PDGFD: variants seen among roughly 807,000 people sequenced by gnomAD.
PDGFD encodes the protein platelet-derived growth factor D.
PDGFD carries 30 observed loss-of-function variants against 44.7 expected under a neutral mutation model. The ratio of observed to expected loss-of-function variants is 0.67; its 90% CI spans 0.50 to 0.91. The LOEUF is 0.91. Ranked by LOEUF, PDGFD falls within the 40% of genes least tolerant of loss-of-function variation. PDGFD has a pLI of 0.00. For missense variants in PDGFD, 445 were observed against 457.8 expected (o/e 0.97, Z 0.25); for synonymous variants, 173 against 168.4 (o/e 1.03, Z -0.21).
intron 6 of PDGFD, among the ~76,000 whole-genome samples, chr11:103,926,252 T>C (rs1234421706): frequency 1.3e-5 from 2 of 152,196 alleles, no homozygotes; most frequent in African/African-American, 2.4e-5. Context: ...AATGAGCTAA[T>C]GATTACTTAC....
At chr11:104,048,552 C>G (rs260816) in intron 1 of PDGFD, among the ~76,000 whole-genome samples, 91,489 of 151,930 alleles carry the variant, frequency 0.6, 27,865 homozygotes, top group Admixed American at 0.7. Flanking sequence ...ACCCTATGGA[C>G]AGCTAGAGCA....
At chr11:104,062,035 T>C (rs568245414) in intron 1 of PDGFD, among the ~76,000 whole-genome samples, 1 of 152,360 alleles carries the variant, frequency 6.6e-6, no homozygotes, top group South Asian at 2.1e-4. Context: ...TTTTCTCACG[T>C]TTCGTGGAAT....
intron 5 of PDGFD, among the ~76,000 whole-genome samples, chr11:103,942,474 T>C (rs913394065): frequency 2.0e-5 from 3 of 152,130 alleles, no homozygotes; most frequent in Admixed American, 6.6e-5. Flanking sequence ...TTTTAACTCA[T>C]GATGTTCTCT....
chr11:104,030,114 T>C (rs1359075614), intron 1 of PDGFD, among the ~76,000 whole-genome samples: 3 of 152,234 alleles, frequency 2.0e-5, no homozygotes, highest in South Asian at 4.1e-4. Flanking sequence ...GGTGCATTTG[T>C]AACATACATA....
intron 1 of PDGFD, among the ~76,000 whole-genome samples, chr11:104,159,894 T>C (rs1862364911): frequency 6.6e-6 from 1 of 152,204 alleles, no homozygotes; most frequent in African/African-American, 2.4e-5. Flanking sequence ...AAAGTTTCTA[T>C]AAAATGATAT....
chr11:104,100,998 C>T (rs986163387), intron 1 of PDGFD, among the ~76,000 whole-genome samples: 1 of 152,102 alleles, frequency 6.6e-6, no homozygotes, highest in Non-Finnish European at 1.5e-5. Flanking sequence ...CAATATCATA[C>T]TGAATGGGCA....
At chr11:104,058,634 G>A (rs563590531) in intron 1 of PDGFD, among the ~76,000 whole-genome samples, 16 of 152,228 alleles carry the variant, frequency 1.1e-4, no homozygotes, top group African/African-American at 3.9e-4. Flanking sequence ...ACACTCATAG[G>A]TATTTATGCC....
At chr11:104,158,707 C>T (rs928039482) in intron 1 of PDGFD, among the ~76,000 whole-genome samples, 4 of 151,950 alleles carry the variant, frequency 2.6e-5, no homozygotes, top group Admixed American at 2.6e-4. Context: ...GTGGCAGGCG[C>T]CTGTGGTCCC....
chr11:103,942,978 C>T (rs772576108), intron 5 of PDGFD, among the ~76,000 whole-genome samples: 37 of 152,110 alleles, frequency 2.4e-4, no homozygotes, highest in Non-Finnish European at 4.4e-4. Flanking sequence ...CATCCAGCTC[C>T]AAACTATGAC....
intron 1 of PDGFD, among the ~76,000 whole-genome samples, chr11:104,028,909 C>T (rs961748081): frequency 6.6e-6 from 1 of 152,084 alleles, no homozygotes; most frequent in Non-Finnish European, 1.5e-5. Flanking sequence ...TTCTCTTCAG[C>T]ATCATAAATT....
intron 6 of PDGFD, among the ~76,000 whole-genome samples, chr11:103,920,812 A>G (rs1266416859): frequency 2.0e-5 from 3 of 152,234 alleles, no homozygotes; most frequent in South Asian, 2.1e-4. Context: ...TAAGCAGTCT[A>G]TAAACATTTA....
chr11:104,035,047 TG>T (rs1390051969), intron 1 of PDGFD, among the ~76,000 whole-genome samples: 1 of 152,116 alleles, frequency 6.6e-6, no homozygotes, highest in Non-Finnish European at 1.5e-5. Flanking sequence ...CTTGTATGTG[TG>T]TGTGTGTAAG....
Position 103,907,219 on chromosome 11 carries a change from GAAGAT to G in PDGFD, c.*2470_*2474del, listed in dbSNP as rs1214417406. ...TTCAAAAGCAATATTTATTTTTCAT[GAAGAT>G]AAGAGGCATATTACATTCGCTATAG... On this transcript the variant is annotated 3_prime_UTR_variant, in exon 7 of 7. Coordinates refer to ENST00000393158, the MANE Select transcript of PDGFD (RefSeq NM_025208.5). The G allele has an allele frequency of 1.3e-5, 2 of 151,460 alleles. No individual in the cohort carries two copies. The highest frequency in any genetic ancestry group is 2.1e-4 in the South Asian group (1 of 4,766). The allele number at this position is 151,460 out of a possible 1,614,324, so 9.4% of individuals were successfully genotyped here. A position where few individuals can be genotyped will look rare whatever the true frequency, so the allele number is the denominator to read the frequency against.
chr11:104,105,149 C>A (rs1041451425), intron 1 of PDGFD, among the ~76,000 whole-genome samples: 1 of 152,108 alleles, frequency 6.6e-6, no homozygotes, highest in African/African-American at 2.4e-5. Flanking sequence ...ATGAAGATCA[C>A]CCAGACAGTA....
At chr11:104,035,018 G>C (rs1239534882) in intron 1 of PDGFD, among the ~76,000 whole-genome samples, 1 of 152,084 alleles carries the variant, frequency 6.6e-6, no homozygotes, top group Admixed American at 6.5e-5. Context: ...TGCCTTGAAG[G>C]ACTTTTCACC....
chr11:104,147,903 A>C (rs1008560147), intron 1 of PDGFD, among the ~76,000 whole-genome samples: 2 of 152,206 alleles, frequency 1.3e-5, no homozygotes, highest in African/African-American at 2.4e-5. Flanking sequence ...AGTAATTTTA[A>C]AAAATGGTGA....
chr11:103,936,686 T>C (rs1322422588), intron 5 of PDGFD, among the ~76,000 whole-genome samples: 1 of 152,224 alleles, frequency 6.6e-6, no homozygotes, highest in Non-Finnish European at 1.5e-5. Context: ...AATGGGTTGG[T>C]AACTGTTCCA....
At chr11:104,157,438 C>T (rs928345190) in intron 1 of PDGFD, among the ~76,000 whole-genome samples, 1 of 152,166 alleles carries the variant, frequency 6.6e-6, no homozygotes, top group Non-Finnish European at 1.5e-5. Context: ...CAATGGCTTA[C>T]CACAGCTCTC....
At chr11:103,913,037 G>A (rs1396512423) in intron 6 of PDGFD, among the ~76,000 whole-genome samples, 2 of 152,028 alleles carry the variant, frequency 1.3e-5, no homozygotes, top group African/African-American at 2.4e-5. Context: ...AATAGTGGGA[G>A]TCTAAATAAT....
Sources: gnomAD v4.1 joint callset for allele counts (sites outside exome capture counted in the v4.1 genomes callset) on GRCh38, gnomAD v4.1.1 for gene constraint, MANE v1.5 for transcripts, NCBI Gene and HGNC (gene_info 2026-07-23, HGNC 2026-07-21) for gene names.